The following AGBL1 variants were observed in gnomAD, a reference collection of about 807,000 sequenced individuals.
AGBL1 encodes the protein cytosolic carboxypeptidase 4.
In AGBL1, 130 loss-of-function variants were observed where a neutral mutation model predicts 118.9. That is an observed-to-expected ratio of 1.09 (90% CI 0.95 to 1.26). The LOEUF is 1.26. Among genes scored for constraint, AGBL1 ranks in the 50% most tolerant of loss-of-function variants. The pLI, the probability that AGBL1 is intolerant of heterozygous loss-of-function variation, is 0.00. For missense variants in AGBL1, 1,584 were observed against 1,298.1 expected (o/e 1.22, Z -3.38); for synonymous variants, 555 against 478.9 (o/e 1.16, Z -2.08).
chr15:86,837,071 C>G (rs1249137225), intron 22 of AGBL1, among the ~76,000 whole-genome samples: 1 of 152,066 alleles, frequency 6.6e-6, no homozygotes, highest in Non-Finnish European at 1.5e-5. Flanking sequence ...CTCCTTTCCC[C>G]AAATAAAAAT....
At chr15:86,904,417 C>A (rs2080253519) in intron 22 of AGBL1, among the ~76,000 whole-genome samples, 1 of 150,834 alleles carries the variant, frequency 6.6e-6, no homozygotes, top group African/African-American at 2.4e-5. Flanking sequence ...ACTTCTCCAT[C>A]TTTTCAGAAG....
chr15:86,487,014 G>T (rs2082721238), intron 18 of AGBL1, among the ~76,000 whole-genome samples: 1 of 151,994 alleles, frequency 6.6e-6, no homozygotes, highest in South Asian at 2.1e-4. Flanking sequence ...GTGTCCAACG[G>T]TGCCGCACGC....
At chr15:86,655,131 A>T (rs1363181083) in intron 21 of AGBL1, among the ~76,000 whole-genome samples, 3 of 152,158 alleles carry the variant, frequency 2.0e-5, no homozygotes, top group Non-Finnish European at 4.4e-5. Context: ...TGGTGGGACA[A>T]TTCTGGGGCT....
intron 5 of AGBL1, among the ~76,000 whole-genome samples, chr15:86,177,657 A>G (rs79700803): frequency 0.013 from 1,959 of 152,326 alleles, 26 homozygotes; most frequent in East Asian, 0.072. Context: ...AGAGTCCCCA[A>G]AATTTGAAAA....
At chr15:86,797,514 G>A (rs2078589973) in intron 22 of AGBL1, among the ~76,000 whole-genome samples, 1 of 152,194 alleles carries the variant, frequency 6.6e-6, no homozygotes, top group Admixed American at 6.5e-5. Flanking sequence ...AATGCACCAG[G>A]CAATTGCTAA....
chr15:86,713,476 A>G (rs536685707), intron 22 of AGBL1, among the ~76,000 whole-genome samples: 7 of 152,278 alleles, frequency 4.6e-5, no homozygotes, highest in African/African-American at 1.4e-4. Context: ...TCTGGACTGC[A>G]TGGTTGTTAC....
intron 21 of AGBL1, among the ~76,000 whole-genome samples, chr15:86,638,583 G>C (rs2085141687): frequency 6.6e-6 from 1 of 152,132 alleles, no homozygotes; most frequent in Non-Finnish European, 1.5e-5. Context: ...CAAGACTCCT[G>C]TCAGCCCCAC....
intron 22 of AGBL1, among the ~76,000 whole-genome samples, chr15:86,872,136 C>T (rs985159076): frequency 6.6e-5 from 10 of 152,206 alleles, no homozygotes; most frequent in South Asian, 4.1e-4. Context: ...CCCACGCACA[C>T]GTGGGAGCTC....
chr15:86,752,003 G>A (rs1010282399), intron 22 of AGBL1, among the ~76,000 whole-genome samples: 24 of 152,180 alleles, frequency 1.6e-4, no homozygotes, highest in Non-Finnish European at 2.1e-4. Context: ...CTTTAGTAGG[G>A]AGCACTTTAT....
chr15:86,848,589 C>G (rs540898109), intron 22 of AGBL1, among the ~76,000 whole-genome samples: 1 of 152,266 alleles, frequency 6.6e-6, no homozygotes, highest in Admixed American at 6.5e-5. Context: ...TGGTCGCAGT[C>G]ATTCAAGCAG....
chr15:86,598,897 A>G (rs2084449231), intron 21 of AGBL1, among the ~76,000 whole-genome samples: 1 of 152,184 alleles, frequency 6.6e-6, no homozygotes, highest in Admixed American at 6.5e-5. Context: ...AAATCTGAAA[A>G]TGGAGCAGAC....
At chr15:86,805,962 G>A (rs771031029) in intron 22 of AGBL1, among the ~76,000 whole-genome samples, 1 of 152,048 alleles carries the variant, frequency 6.6e-6, no homozygotes, top group African/African-American at 2.4e-5. Context: ...AAATACTAAT[G>A]GGGTCTATGC....
At chr15:86,376,523 AT>A (rs2081042821) in intron 17 of AGBL1, among the ~76,000 whole-genome samples, 1 of 152,246 alleles carries the variant, frequency 6.6e-6, no homozygotes, top group African/African-American at 2.4e-5. Flanking sequence ...CCTGGTTGGC[AT>A]TACTTCCTCA....
intron 5 of AGBL1, among the ~76,000 whole-genome samples, chr15:86,208,656 G>A (rs2078037459): frequency 6.6e-6 from 1 of 151,992 alleles, no homozygotes; most frequent in South Asian, 2.1e-4. Flanking sequence ...CTGTGGGATT[G>A]GTGGTGATAT....
At chr15:86,473,537 G>A (rs2082510775) in intron 18 of AGBL1, among the ~76,000 whole-genome samples, 1 of 151,796 alleles carries the variant, frequency 6.6e-6, no homozygotes, top group Non-Finnish European at 1.5e-5. Context: ...TATGTAGTGT[G>A]TATATTTTTT....
At chr15:86,438,817 A>G (rs2082028602) in intron 18 of AGBL1, among the ~76,000 whole-genome samples, 1 of 151,966 alleles carries the variant, frequency 6.6e-6, no homozygotes, top group Non-Finnish European at 1.5e-5. Context: ...ACCTGCCACC[A>G]TGCCTAGCTA....
At chr15:86,563,885 A>T (rs1264269535) in intron 21 of AGBL1, among the ~76,000 whole-genome samples, 1 of 152,112 alleles carries the variant, frequency 6.6e-6, no homozygotes, top group African/African-American at 2.4e-5. Context: ...CCATTATGTA[A>T]TAGCCTTCTT....
chr15:86,881,115 C>T (rs1040025640), intron 22 of AGBL1, among the ~76,000 whole-genome samples: 1 of 152,202 alleles, frequency 6.6e-6, no homozygotes, highest in African/African-American at 2.4e-5. Flanking sequence ...CCTCACCAGA[C>T]ATGCTAAGTT....
At chr15:86,432,655 C>T (rs536602469) in intron 18 of AGBL1, among the ~76,000 whole-genome samples, 2 of 152,140 alleles carry the variant, frequency 1.3e-5, no homozygotes, top group African/African-American at 4.8e-5. Flanking sequence ...GCTGGCCAAC[C>T]TTTTTCACTT....
Sources: allele counts gnomAD v4.1 joint callset (sites outside exome capture counted in the v4.1 genomes callset), GRCh38; gene constraint gnomAD v4.1.1; transcripts MANE v1.5; gene names NCBI Gene and HGNC (gene_info 2026-07-23, HGNC 2026-07-21).